FLRT2: variants seen among roughly 807,000 people sequenced by gnomAD.
FLRT2 encodes the protein leucine-rich repeat transmembrane protein FLRT2.
FLRT2 carries 15 observed loss-of-function variants against 40.0 expected under a neutral mutation model. That is an observed-to-expected ratio of 0.38 (90% CI 0.25 to 0.58). FLRT2 has a LOEUF of 0.58. FLRT2 is among the 20% of genes least tolerant of loss of function. The pLI, the probability that FLRT2 is intolerant of heterozygous loss-of-function variation, is 0.71. For synonymous variants in FLRT2, 380 were observed against 336.8 expected, an observed-to-expected ratio of 1.13 and a Z score of -1.41; for missense variants, 726 against 840.0, an observed-to-expected ratio of 0.86 and a Z score of 1.68.
chr14:85,619,656 G>A (rs558795060), intron 1 of FLRT2, among the ~76,000 whole-genome samples: 1 of 151,998 alleles, frequency 6.6e-6, no homozygotes, highest in South Asian at 2.1e-4. Context: ...ATTTCAAATA[G>A]TTCCTCTATG....
intron 1 of FLRT2, among the ~76,000 whole-genome samples, chr14:85,585,153 T>C (rs1176726521): frequency 3.3e-5 from 5 of 152,010 alleles, no homozygotes; most frequent in Non-Finnish European, 7.4e-5. Flanking sequence ...AGGTTGGAGG[T>C]GGGAATAAGG....
At chr14:85,584,338 G>A (rs1390461168) in intron 1 of FLRT2, among the ~76,000 whole-genome samples, 3 of 152,132 alleles carry the variant, frequency 2.0e-5, no homozygotes, top group Non-Finnish European at 4.4e-5. Flanking sequence ...ATTAGCAAAA[G>A]AAATCATATT....
At chr14:85,547,353 C>T (rs1006912396) in intron 1 of FLRT2, among the ~76,000 whole-genome samples, 6 of 145,178 alleles carry the variant, frequency 4.1e-5, no homozygotes, top group East Asian at 2.0e-4. Context: ...GATGGAGTTT[C>T]GCTCTTTCGC....
rs1555373568 is a variant in FLRT2 at position 85,643,350 on chromosome 14, T to TTCCTTC, written c.*19853_*19854insTCCTTC. 4.6e-3 allele frequency: 196 copies of TTCCTTC among 42,708 alleles called. No individual in the cohort carries two copies. The highest frequency in any genetic ancestry group is 0.011 in the Middle Eastern group (1 of 88). 2.6% of individuals were successfully genotyped at this position (42,708 alleles called of 1,614,324 possible). A position where few individuals can be genotyped will look rare whatever the true frequency, so the allele number is the denominator to read the frequency against. On this transcript the variant is annotated 3_prime_UTR_variant, in exon 2 of 2. Transcript: ENST00000330753. ...TTCTTTCTTTCTTTCTTTCTTTCTT[T>TTCCTTC]CTTTCTTCCTTCCTTCCTTCCTTCC...
At chr14:85,560,729 T>C (rs1314626991) in intron 1 of FLRT2, 1 of 150,794 alleles carries the variant, frequency 6.6e-6, no homozygotes, top group African/African-American at 2.4e-5. Context: ...TGAGAAACCA[T>C]AGTTGTTCAT....
At chr14:85,600,065 TTATGGGGGTAGC>T (rs1470942486) in intron 1 of FLRT2, among the ~76,000 whole-genome samples, 2 of 152,142 alleles carry the variant, frequency 1.3e-5, no homozygotes, top group East Asian at 3.9e-4. Context: ...TTCAGCTCAT[TTATGGGGGTAGC>T]TATAAATAAA....
chr14:85,555,013 T>C (rs1049650988), intron 1 of FLRT2, among the ~76,000 whole-genome samples: 1 of 152,202 alleles, frequency 6.6e-6, no homozygotes, highest in African/African-American at 2.4e-5. Context: ...ATCACTTTGA[T>C]AGTATAACTT....
In FLRT2 at chr14:85,602,338, G is replaced by A. The variant is rs532608530; in HGVS notation, c.-376-18801G>A. 3.9e-5 allele frequency among the ~76,000 whole-genome samples: 6 copies of A among 152,212 alleles called. No homozygotes were observed. In the South Asian group the frequency reaches 6.2e-4, roughly 16 times the overall value. ...AACCTTAGAATAGTCCCTTTGCTCC[G>A]ACTTGGAGTTGTCACTGCAGAATTA... is the stretch of plus-strand genomic sequence containing the variant. On this transcript the variant is annotated intron_variant, in intron 1 of 1. Coordinates refer to ENST00000330753, the MANE Select transcript of FLRT2 (RefSeq NM_013231.6).
intron 1 of FLRT2, among the ~76,000 whole-genome samples, chr14:85,572,966 G>A (rs1227018994): frequency 6.6e-6 from 1 of 151,958 alleles, no homozygotes; most frequent in Non-Finnish European, 1.5e-5. Context: ...CCACTCTACT[G>A]AATTCTTACT....
intron 1 of FLRT2, among the ~76,000 whole-genome samples, chr14:85,579,221 C>G (rs1348866697): frequency 1.3e-5 from 2 of 152,134 alleles, no homozygotes; most frequent in Non-Finnish European, 2.9e-5. Flanking sequence ...GGAACCAGGC[C>G]CAGATGCAAT....
intron 1 of FLRT2, among the ~76,000 whole-genome samples, chr14:85,601,200 G>T (rs892636002): frequency 6.6e-6 from 1 of 152,162 alleles, no homozygotes; most frequent in Non-Finnish European, 1.5e-5. Context: ...GGGAGATGCA[G>T]CATGGAAGAA....
chr14:85,570,831 C>T (rs778268503), intron 1 of FLRT2, among the ~76,000 whole-genome samples: 76 of 151,966 alleles, frequency 5.0e-4, no homozygotes, highest in Admixed American at 7.9e-4. Flanking sequence ...ATGATCCGCC[C>T]GCCTCGGCCT....
chr14:85,539,852 C>T (rs930618502), intron 1 of FLRT2, among the ~76,000 whole-genome samples: 14 of 152,170 alleles, frequency 9.2e-5, no homozygotes, highest in Admixed American at 2.6e-4. Context: ...CAGGAGCTTT[C>T]GCTCTTACGG....
chr14:85,604,133 A>T (rs1012505812), intron 1 of FLRT2, among the ~76,000 whole-genome samples: 5 of 151,956 alleles, frequency 3.3e-5, no homozygotes, highest in Admixed American at 2.0e-4. Flanking sequence ...GAGTATCTTG[A>T]GGGTGGGATG....
At chr14:85,549,154 C>G (rs1036981732) in intron 1 of FLRT2, among the ~76,000 whole-genome samples, 14 of 152,160 alleles carry the variant, frequency 9.2e-5, no homozygotes, top group African/African-American at 3.1e-4. Context: ...ATTTGTGTGA[C>G]CTGATTCCCC....
intron 1 of FLRT2, among the ~76,000 whole-genome samples, chr14:85,549,708 T>C (rs557922761): frequency 1.5e-5 from 2 of 136,448 alleles, no homozygotes; most frequent in African/African-American, 5.0e-5. Context: ...TTGAATAGAT[T>C]GTGTGTTATC....
chr14:85,561,495 C>T (rs1418199718), intron 1 of FLRT2, among the ~76,000 whole-genome samples: 1 of 152,178 alleles, frequency 6.6e-6, no homozygotes, highest in Non-Finnish European at 1.5e-5. Flanking sequence ...AGACTGACTA[C>T]TGGGGACCCT....
At chr14:85,565,903 C>T (rs997544130) in intron 1 of FLRT2, among the ~76,000 whole-genome samples, 5 of 152,086 alleles carry the variant, frequency 3.3e-5, no homozygotes, top group African/African-American at 1.2e-4. Context: ...TTTGTTAGTC[C>T]TCCAGACAGA....
Position 85,641,991 on chromosome 14 carries a change from G to A in FLRT2, c.*18494G>A, listed in dbSNP as rs573464326. 7.5e-4 allele frequency: 114 copies of A among 152,202 alleles called. No homozygotes were observed. Among genetic ancestry groups the A allele is most frequent in the African/African-American group, 2.6e-3 (110 of 41,516 alleles). The allele number at this position is 152,202 out of a possible 1,614,324, so 9.4% of individuals were successfully genotyped here. A position where few individuals can be genotyped will look rare whatever the true frequency, so the allele number is the denominator to read the frequency against. On this transcript the variant is annotated 3_prime_UTR_variant, in exon 2 of 2. Transcript: ENST00000330753. Reference sequence around the variant, plus strand: ...GAGAATGTAAATATAATAATTGTGAGGTAGGCTGAAGCATGTATAGAAAGA... The same window carrying A: ...GAGAATGTAAATATAATAATTGTGAAGTAGGCTGAAGCATGTATAGAAAGA...
Sources: gnomAD v4.1 joint callset for allele counts (sites outside exome capture counted in the v4.1 genomes callset) on GRCh38, gnomAD v4.1.1 for gene constraint, MANE v1.5 for transcripts, NCBI Gene and HGNC (gene_info 2026-07-23, HGNC 2026-07-21) for gene names.